The following SEMA6A variants were observed in gnomAD, a reference collection of about 807,000 sequenced individuals.
The protein encoded by SEMA6A is semaphorin-6A.
Under a neutral mutation model 96.8 loss-of-function variants are expected in SEMA6A, and 25 were observed. That is an observed-to-expected ratio of 0.26 (90% CI 0.19 to 0.36). The LOEUF is 0.36. SEMA6A is among the 10% of genes least tolerant of loss of function. SEMA6A has a pLI of 1.00. For synonymous variants in SEMA6A, 612 were observed against 518.0 expected (o/e 1.18, Z -2.46); for missense variants, 1,363 against 1,323.1 (o/e 1.03, Z -0.47).
At chr5:116,564,407 TTA>T (rs1419786092) in intron 1 of SEMA6A, among the ~76,000 whole-genome samples, 1 of 152,236 alleles carries the variant, frequency 6.6e-6, no homozygotes, top group Non-Finnish European at 1.5e-5. Flanking sequence ...TGAGATTATT[TTA>T]TGTTTTAATC....
intron 1 of SEMA6A, among the ~76,000 whole-genome samples, chr5:116,551,893 G>C (rs544244744): frequency 3.1e-4 from 47 of 152,156 alleles, no homozygotes; most frequent in African/African-American, 1.0e-3. Flanking sequence ...CGTATCAGGA[G>C]CCATCAACTT....
chr5:116,454,852 T>C (rs1402270259), intron 18 of SEMA6A, among the ~76,000 whole-genome samples: 3 of 152,004 alleles, frequency 2.0e-5, no homozygotes, highest in South Asian at 2.1e-4. Flanking sequence ...GTGTTTTTCC[T>C]GGCAGGCTAC....
chr5:116,496,124 G>GA, intron 5 of SEMA6A, 127 bp downstream of exon 5: 1 of 798,762 alleles, frequency 1.3e-6, no homozygotes, highest in Non-Finnish European at 2.0e-6. Context: ...GTAAGTTGAT[G>GA]AAAAAAGCAA....
intron 1 of SEMA6A, among the ~76,000 whole-genome samples, chr5:116,520,079 CATG>C (rs1002036938): frequency 2.6e-5 from 4 of 152,168 alleles, no homozygotes; most frequent in African/African-American, 4.8e-5. Flanking sequence ...TTGACCCCAT[CATG>C]TTCCATTCCC....
At chr5:116,571,517 T>A (rs1761211010) in intron 1 of SEMA6A, among the ~76,000 whole-genome samples, 1 of 152,228 alleles carries the variant, frequency 6.6e-6, no homozygotes, top group African/African-American at 2.4e-5. Context: ...TGATGTTCGT[T>A]CTTTTCTGCT....
chr5:116,461,568 T>A (rs768223144), intron 18 of SEMA6A, among the ~76,000 whole-genome samples: 2 of 152,190 alleles, frequency 1.3e-5, no homozygotes, highest in Non-Finnish European at 2.9e-5. Flanking sequence ...TCCATCACTT[T>A]CCTCGTCTTC....
chr5:116,505,589 A>T (rs1331998789), intron 1 of SEMA6A, among the ~76,000 whole-genome samples: 2 of 152,166 alleles, frequency 1.3e-5, no homozygotes, highest in African/African-American at 4.8e-5. Flanking sequence ...GGCATAAATA[A>T]ATAAAATCAC....
chr5:116,562,820 C>G, intron 1 of SEMA6A: 1 of 708,288 alleles, frequency 1.4e-6, no homozygotes, highest in Non-Finnish European at 2.7e-6. Context: ...GTGCAAGGAA[C>G]TGGGTATTAC....
intron 1 of SEMA6A, among the ~76,000 whole-genome samples, chr5:116,563,577 A>G (rs1479245117): frequency 2.0e-5 from 3 of 150,872 alleles, no homozygotes; most frequent in South Asian, 2.1e-4. Context: ...ATTAAAGTCC[A>G]CATTGTATTT....
chr5:116,477,140 T>C (rs1756495789), intron 15 of SEMA6A, among the ~76,000 whole-genome samples: 1 of 152,218 alleles, frequency 6.6e-6, no homozygotes, highest in African/African-American at 2.4e-5. Context: ...AAGATAAACA[T>C]TGAATACTTC....
In SEMA6A at chr5:116,486,855, G is replaced by C. The variant is rs753000928; in HGVS notation, c.856C>G (p.Pro286Ala). The part of the protein sequence containing the change: ...FLKARLNCSV[P>A]GDSHFYFNIL... Reference sequence around the variant, plus strand: ...TTGAAATAAAAATGAGAGTCTCCAGGAACTGAGCAGTTCAAGCGCGCCTTC... The same window carrying C: ...TTGAAATAAAAATGAGAGTCTCCAGCAACTGAGCAGTTCAAGCGCGCCTTC... The change falls in exon 10 of 19, where the codon CCT becomes GCT. Residue 286 changes from proline (P) to alanine (A), a missense_variant. Physicochemically the swap from Pro to Ala is conservative, Grantham distance 27. This residue lies in a region of SEMA6A where 480 missense variants were observed against 559.5 expected (regional missense o/e 0.86). Transcript: ENST00000343348. 6 of 1,613,782 alleles carry C rather than the reference G, an allele frequency of 3.7e-6. No individual in the cohort carries two copies. In the Admixed American group the frequency reaches 5.0e-5, roughly 13 times the overall value.
At chr5:116,482,320 T>G in intron 11 of SEMA6A, 124 bp downstream of exon 11, 1 of 1,060,242 alleles carries the variant, frequency 9.4e-7, no homozygotes, top group Non-Finnish European at 1.4e-6. Context: ...GTTAATGAGA[T>G]GAAGGCAATC....
chr5:116,489,471 T>C (rs1298130972), intron 7 of SEMA6A, among the ~76,000 whole-genome samples: 1 of 152,014 alleles, frequency 6.6e-6, no homozygotes, highest in Non-Finnish European at 1.5e-5. Context: ...CCTGATCAGG[T>C]GAGAGAAGTT....
intron 1 of SEMA6A, among the ~76,000 whole-genome samples, chr5:116,573,262 A>G (rs2112930183): frequency 6.6e-6 from 1 of 152,240 alleles, no homozygotes; most frequent in East Asian, 1.9e-4. Flanking sequence ...CTGGGTTTCA[A>G]ACCCAGGGCC....
At chr5:116,532,698 T>A (rs1003013395) in intron 1 of SEMA6A, among the ~76,000 whole-genome samples, 5 of 152,146 alleles carry the variant, frequency 3.3e-5, no homozygotes, top group Admixed American at 6.5e-5. Context: ...CTCTTTTCCC[T>A]TCCCTTCTCT....
chr5:116,478,863 C>A, intron 12 of SEMA6A, 145 bp from the exon 13 acceptor site: 1 of 822,982 alleles, frequency 1.2e-6, no homozygotes, highest in East Asian at 2.7e-5. Flanking sequence ...TCAAGTGGTT[C>A]TGGCCCTTTA....
chr5:116,545,426 C>T (rs1196444731), intron 1 of SEMA6A, among the ~76,000 whole-genome samples: 1 of 152,026 alleles, frequency 6.6e-6, no homozygotes. Context: ...AAAAATTACC[C>T]AGGCGTGGTG....
chr5:116,490,138 C>A (rs1185604517), intron 7 of SEMA6A, among the ~76,000 whole-genome samples: 1 of 151,862 alleles, frequency 6.6e-6, no homozygotes, highest in East Asian at 1.9e-4. Context: ...AAAATTTGTC[C>A]AGGTTCAATT....
chr5:116,514,016 T>C (rs1758547933), intron 1 of SEMA6A, among the ~76,000 whole-genome samples: 1 of 152,218 alleles, frequency 6.6e-6, no homozygotes, highest in African/African-American at 2.4e-5. Flanking sequence ...ACTTTCTTTA[T>C]CTAGTCTATC....
Sources: allele counts gnomAD v4.1 joint callset (sites outside exome capture counted in the v4.1 genomes callset), GRCh38; gene constraint gnomAD v4.1.1; regional missense constraint gnomAD v4.1.1; transcripts MANE v1.5; gene names NCBI Gene and HGNC (gene_info 2026-07-23, HGNC 2026-07-21).